Variants in CLDN16 observed in about 807,000 individuals in gnomAD.
CLDN16 encodes the protein claudin 16.
CLDN16 carries 13 observed loss-of-function variants against 24.6 expected under a neutral mutation model. The ratio of observed to expected loss-of-function variants is 0.53; its 90% CI spans 0.34 to 0.84. The LOEUF is 0.84. Ranked by LOEUF, CLDN16 falls within the 40% of genes least tolerant of loss-of-function variation. The pLI is 0.01. For missense variants in CLDN16, 298 were observed against 292.7 expected (o/e 1.02, Z -0.13); for synonymous variants, 116 against 106.7 (o/e 1.09, Z -0.54).
chr3:190,364,957 C>A (rs1560088387), intron 1 of CLDN16, among the ~76,000 whole-genome samples: 1 of 150,764 alleles, frequency 6.6e-6, no homozygotes, highest in African/African-American at 2.4e-5. Context: ...TCTTTTTTTT[C>A]TTTAGTCAAT....
the CLDN16 span, among the ~76,000 whole-genome samples, chr3:190,296,525 GA>G: frequency 3.3e-5 from 5 of 151,480 alleles, no homozygotes; most frequent in Non-Finnish European, 7.4e-5. Context: ...ATGAGGATGG[GA>G]AAGTAGCTAA....
At chr3:190,322,486 C>A (rs1176202747), upstream of CLDN16, 5 of 456,302 alleles carry the variant, frequency 1.1e-5, no homozygotes, top group Non-Finnish European at 4.0e-6. Context: ...CAGCTCCGCC[C>A]GCCTCAGCCC....
chr3:190,326,227 C>T (rs908187078), intron 1 of CLDN16, among the ~76,000 whole-genome samples: 36 of 152,052 alleles, frequency 2.4e-4, no homozygotes, highest in African/African-American at 7.7e-4. Flanking sequence ...ATACATGAAA[C>T]AGTACTTATT....
At chr3:190,364,059 C>T (rs1013787803) in intron 1 of CLDN16, among the ~76,000 whole-genome samples, 1 of 132,006 alleles carries the variant, frequency 7.6e-6, no homozygotes, top group Admixed American at 7.4e-5. Context: ...CAGAATGGTC[C>T]TTTTTATTTT....
chr3:190,408,651 T>C (rs1719169355), intron 4 of CLDN16, 146 bp downstream of exon 4: 5 of 734,050 alleles, frequency 6.8e-6, no homozygotes, highest in Non-Finnish European at 1.1e-5. Flanking sequence ...CAAGGGCAAT[T>C]GAATTGTAAT....
At chr3:190,385,510 C>T (rs190042391), upstream of CLDN16, among the ~76,000 whole-genome samples, 8 of 152,226 alleles carry the variant, frequency 5.3e-5, no homozygotes, top group East Asian at 1.5e-3. Context: ...AATAATTCCC[C>T]ACTCCCTATC....
chr3:190,308,444 A>G, the CLDN16 span: 9 of 1,613,468 alleles, frequency 5.6e-6, no homozygotes, highest in Non-Finnish European at 7.6e-6. Flanking sequence ...TCGTACCTAA[A>G]AGGAAAAACC....
chr3:190,342,252 G>T (rs745650165), intron 1 of CLDN16, among the ~76,000 whole-genome samples: 4 of 152,014 alleles, frequency 2.6e-5, no homozygotes, highest in Non-Finnish European at 5.9e-5. Context: ...ACCTGAGACT[G>T]GGCAATTTAC....
Position 190,408,711 on chromosome 3 carries a change from C to T in CLDN16, c.574+206C>T, listed in dbSNP as rs78653768. Among the ~76,000 whole-genome samples the T allele has an allele frequency of 3.5e-3, 521 of 150,898 alleles. 4 individuals are homozygous for T. The highest frequency in any genetic ancestry group is 0.011 in the African/African-American group (470 of 41,276). ...TTCTATATTAATTGAAAAATAAAAT[C>T]CACAACTACAAGCATGTCCAATATT... is the stretch of plus-strand genomic sequence containing the variant. On this transcript the variant is annotated intron_variant, in intron 4 of 4. Transcript: ENST00000264734.
At chr3:190,335,947 G>A (rs898021760) in intron 1 of CLDN16, among the ~76,000 whole-genome samples, 3 of 152,230 alleles carry the variant, frequency 2.0e-5, no homozygotes, top group African/African-American at 7.2e-5. Flanking sequence ...GGTAAGTAGA[G>A]TATTTATAGT....
chr3:190,328,064 T>G (rs1717105464), intron 1 of CLDN16, among the ~76,000 whole-genome samples: 1 of 151,930 alleles, frequency 6.6e-6, no homozygotes, highest in African/African-American at 2.4e-5. Context: ...AGAGAATTAC[T>G]TGATTGCAGG....
At chr3:190,375,366 G>A (rs1718224532) in intron 3 of CLDN16, among the ~76,000 whole-genome samples, 1 of 152,068 alleles carries the variant, frequency 6.6e-6, no homozygotes, top group South Asian at 2.1e-4. Flanking sequence ...GGCTGCAAGT[G>A]TAGAATGGCT....
chr3:190,361,620 A>G (rs1341706572), intron 1 of CLDN16, among the ~76,000 whole-genome samples: 1 of 152,000 alleles, frequency 6.6e-6, no homozygotes, highest in Non-Finnish European at 1.5e-5. Flanking sequence ...TGGAGATAAC[A>G]TTGATACAAG....
chr3:190,390,881 G>T (rs181807852), intron 1 of CLDN16, among the ~76,000 whole-genome samples: 289 of 152,146 alleles, frequency 1.9e-3, no homozygotes, highest in Non-Finnish European at 3.4e-3. Context: ...AAACTTCTAG[G>T]CTCAAGTCAT....
At chr3:190,360,027 G>A (rs2108640871) in intron 1 of CLDN16, among the ~76,000 whole-genome samples, 1 of 152,088 alleles carries the variant, frequency 6.6e-6, no homozygotes, top group Admixed American at 6.6e-5. Flanking sequence ...GTTGGGTTGG[G>A]CTGAGCTGAG....
At position 190,402,851 on chromosome 3, in the gene CLDN16, TTTACAG is replaced by T. The variant is rs1366050126; in HGVS notation, c.217+416_217+421del. Among the ~76,000 whole-genome samples the T allele has an allele frequency of 5.3e-5, 8 of 152,088 alleles. No homozygotes were observed. The East Asian group carries it at 1.5e-3, about 29-fold the overall frequency. On this transcript the variant is annotated intron_variant, in intron 2 of 4. Transcript: ENST00000264734. ...GCTATGACTTAGTTCAAATAGAAAG[TTTACAG>T]TTATTTCAGTTGAAGGTTAGCTAAG...
intron 1 of CLDN16, 39 bp downstream of exon 1, chr3:190,388,482 C>T: frequency 6.3e-7 from 1 of 1,591,132 alleles, no homozygotes; most frequent in Non-Finnish European, 8.6e-7. Flanking sequence ...TCCAGGCCAG[C>T]CCAAATTTTC....
intron 1 of CLDN16, among the ~76,000 whole-genome samples, chr3:190,343,547 C>A (rs1717484142): frequency 6.6e-6 from 1 of 152,068 alleles, no homozygotes; most frequent in South Asian, 2.1e-4. Flanking sequence ...GATACAGAAA[C>A]AACCTAGGTG....
the CLDN16 span, among the ~76,000 whole-genome samples, chr3:190,300,713 T>C: frequency 6.6e-6 from 1 of 152,200 alleles, no homozygotes; most frequent in Non-Finnish European, 1.5e-5. Flanking sequence ...CTATTTTTTT[T>C]CTCCACAGGC....
Sources: allele counts gnomAD v4.1 joint callset (sites outside exome capture counted in the v4.1 genomes callset), GRCh38; gene constraint gnomAD v4.1.1; transcripts MANE v1.5; gene names NCBI Gene and HGNC (gene_info 2026-07-23, HGNC 2026-07-21).